The following FAM193A variants were observed in gnomAD, a reference collection of about 807,000 sequenced individuals.
FAM193A encodes protein FAM193A.
Under a neutral mutation model 126.5 loss-of-function variants are expected in FAM193A, and 22 were observed. The observed-to-expected ratio is 0.17, with a 90% CI of 0.12 to 0.25. The LOEUF (loss-of-function observed/expected upper bound fraction) is 0.25, where lower values mean the gene tolerates loss of function less well. Ranked by LOEUF, FAM193A falls within the 10% of genes least tolerant of loss-of-function variation. The probability of loss-of-function intolerance (pLI) is 1.00; values close to 1 mark genes in which losing one functional copy is unlikely to be tolerated. For missense variants in FAM193A, 1,675 were observed against 1,672.8 expected (o/e 1.00, Z -0.02); for synonymous variants, 761 against 646.8 (o/e 1.18, Z -2.68).
chr4:2,708,902 C>A (rs549267203), intron 19 of FAM193A, among the ~76,000 whole-genome samples: 38 of 152,146 alleles, frequency 2.5e-4, no homozygotes, highest in African/African-American at 8.9e-4. Flanking sequence ...TCAATTCTTA[C>A]GCCTCTAATT....
chr4:2,546,203 G>A (rs1157466223), intron 1 of FAM193A, among the ~76,000 whole-genome samples: 1 of 150,624 alleles, frequency 6.6e-6, no homozygotes, highest in Non-Finnish European at 1.5e-5. Flanking sequence ...TGTTTCCCAA[G>A]CTGATCTCAA....
chr4:2,651,054 G>A (rs1038073026), intron 7 of FAM193A, among the ~76,000 whole-genome samples: 7 of 152,152 alleles, frequency 4.6e-5, no homozygotes, highest in South Asian at 2.1e-4. Context: ...ACCTGAGACC[G>A]GGCTTGATAC....
At chr4:2,660,556 G>C (rs1252896448) in intron 10 of FAM193A, among the ~76,000 whole-genome samples, 1 of 152,228 alleles carries the variant, frequency 6.6e-6, no homozygotes, top group African/African-American at 2.4e-5. Context: ...CTTCAGAGTT[G>C]TGACCCTGTC....
At position 2,694,965 on chromosome 4, in the gene FAM193A, C is replaced by G. The variant is rs759609883; in HGVS notation, c.3112C>G (p.His1038Asp). Residue 1038 changes from histidine to aspartate, a missense_variant, in exon 17 of 21, where the codon CAC (histidine) becomes GAC (aspartate). By Grantham distance (81) the His-to-Asp change is moderately conservative (BLOSUM62 -1). Coordinates refer to ENST00000637812, the MANE Select transcript of FAM193A (RefSeq NM_001366318.2). Reference sequence around the variant, plus strand: ...TTGCAGTGACCCTGACTGCGAAGGGCACCGCTGCGAGAATGGTGTCTACGA... The same window carrying G: ...TTGCAGTGACCCTGACTGCGAAGGGGACCGCTGCGAGAATGGTGTCTACGA... ...SVCSDPDCEG[H>D]RCENGVYDPQ... is the part of the protein sequence containing the mutation. 7 of 1,602,150 alleles carry G rather than the reference C, an allele frequency of 4.4e-6. No homozygotes were observed. Among genetic ancestry groups the G allele is most frequent in the Non-Finnish European group, 6.0e-6 (7 of 1,175,180 alleles).
intron 8 of FAM193A, among the ~76,000 whole-genome samples, chr4:2,659,259 A>G (rs550986564): frequency 1.3e-5 from 2 of 152,174 alleles, no homozygotes; most frequent in African/African-American, 2.4e-5. Context: ...GCAAGTACCA[A>G]GCACATGGCA....
chr4:2,701,912 G>A (rs1717779072), intron 19 of FAM193A, among the ~76,000 whole-genome samples: 1 of 152,030 alleles, frequency 6.6e-6, no homozygotes, highest in Admixed American at 6.5e-5. Context: ...AAGTAGCTGG[G>A]ATTACAGGCA....
intron 18 of FAM193A, 121 bp downstream of exon 18, chr4:2,696,714 T>C: frequency 1.4e-6 from 1 of 695,500 alleles, no homozygotes; most frequent in Non-Finnish European, 2.4e-6. Flanking sequence ...GTGTGTTCAC[T>C]TGCCCACAAC....
intron 1 of FAM193A, among the ~76,000 whole-genome samples, chr4:2,561,032 A>T (rs947599768): frequency 6.6e-6 from 1 of 152,190 alleles, no homozygotes; most frequent in African/African-American, 2.4e-5. Flanking sequence ...GCACCATGCC[A>T]TTGTAGTTCT....
At chr4:2,616,115 A>T (rs1742169171) in intron 2 of FAM193A, among the ~76,000 whole-genome samples, 1 of 152,202 alleles carries the variant, frequency 6.6e-6, no homozygotes, top group South Asian at 2.1e-4. Context: ...TTCTAAATGT[A>T]ACTATGGATT....
At chr4:2,553,339 G>A (rs191078063) in intron 1 of FAM193A, among the ~76,000 whole-genome samples, 42 of 150,790 alleles carry the variant, frequency 2.8e-4, no homozygotes, top group African/African-American at 9.5e-4. Context: ...GCAAGATCCC[G>A]TCTCTAAAAT....
intron 2 of FAM193A, among the ~76,000 whole-genome samples, chr4:2,611,355 A>T (rs1188455637): frequency 2.0e-5 from 3 of 151,064 alleles, no homozygotes; most frequent in African/African-American, 7.3e-5. Flanking sequence ...TGCAGCCTCC[A>T]CCTCCCAGGT....
At chr4:2,660,298 A>G (rs1265378583) in intron 10 of FAM193A, among the ~76,000 whole-genome samples, 1 of 152,106 alleles carries the variant, frequency 6.6e-6, no homozygotes, top group African/African-American at 2.4e-5. Flanking sequence ...ACATGTTGGT[A>G]TGCAGAGAAG....
intron 7 of FAM193A, among the ~76,000 whole-genome samples, chr4:2,650,987 G>A (rs1009763463): frequency 1.3e-5 from 2 of 152,142 alleles, no homozygotes; most frequent in African/African-American, 2.4e-5. Context: ...CTGGAGGGTG[G>A]CATCAGACCT....
intron 1 of FAM193A, among the ~76,000 whole-genome samples, chr4:2,579,709 C>CA (rs551107178): frequency 5.3e-4 from 74 of 139,692 alleles, no homozygotes; most frequent in Middle Eastern, 3.5e-3. Context: ...AAAAACAAAA[C>CA]AAAAAAAAAC....
At chr4:2,642,132 T>TAAAA (rs1744693391) in intron 6 of FAM193A, among the ~76,000 whole-genome samples, 3 of 33,198 alleles carry the variant, frequency 9.0e-5, no homozygotes, top group Admixed American at 3.1e-4. Flanking sequence ...CTACTAAAAA[T>TAAAA]ACAAAAAAAA....
intron 1 of FAM193A, among the ~76,000 whole-genome samples, chr4:2,570,523 C>T (rs1320996747): frequency 6.6e-6 from 1 of 152,124 alleles, no homozygotes; most frequent in Non-Finnish European, 1.5e-5. Flanking sequence ...GAACTGTTAC[C>T]CTCCTTGCAG....
At chr4:2,559,801 C>G (rs993938076) in intron 1 of FAM193A, among the ~76,000 whole-genome samples, 1 of 152,166 alleles carries the variant, frequency 6.6e-6, no homozygotes, top group Non-Finnish European at 1.5e-5. Context: ...AGCGTCCTTG[C>G]CGTTCGCTTC....
chr4:2,650,615 G>C (rs1441545882), intron 7 of FAM193A, among the ~76,000 whole-genome samples: 3 of 152,170 alleles, frequency 2.0e-5, no homozygotes, highest in African/African-American at 7.2e-5. Flanking sequence ...CAGAGAGGCT[G>C]CTTGTGGGAA....
chr4:2,553,189 G>A (rs1178702798), intron 1 of FAM193A, among the ~76,000 whole-genome samples: 3 of 151,904 alleles, frequency 2.0e-5, no homozygotes, highest in Non-Finnish European at 4.4e-5. Context: ...TTCTAGCTGG[G>A]TATGGTGTTG....
Sources: gnomAD v4.1 joint callset for allele counts (sites outside exome capture counted in the v4.1 genomes callset) on GRCh38, gnomAD v4.1.1 for gene constraint, MANE v1.5 for transcripts, NCBI Gene and HGNC (gene_info 2026-07-23, HGNC 2026-07-21) for gene names.